DIAPH3: variants seen among roughly 807,000 people sequenced by gnomAD.
DIAPH3 encodes diaphanous related formin 3.
Under a neutral mutation model 144.3 loss-of-function variants are expected in DIAPH3, and 117 were observed. The ratio of observed to expected loss-of-function variants is 0.81; its 90% CI spans 0.70 to 0.95. DIAPH3 has a LOEUF of 0.95. Ranked by LOEUF, DIAPH3 falls within the 40% of genes least tolerant of loss-of-function variation. The probability of loss-of-function intolerance (pLI) is 0.00; values close to 1 mark genes in which losing one functional copy is unlikely to be tolerated. For missense variants in DIAPH3, 1,421 were observed against 1,412.7 expected (o/e 1.01, Z -0.09); for synonymous variants, 519 against 488.9 (o/e 1.06, Z -0.81).
intron 21 of DIAPH3, among the ~76,000 whole-genome samples, chr13:59,870,665 GTT>G (rs35207685): frequency 3.6e-5 from 5 of 139,208 alleles, no homozygotes; most frequent in Admixed American, 1.4e-4. Flanking sequence ...TTTTGTAGGT[GTT>G]TTTTTTTTTT....
At chr13:59,810,543 C>T (rs1411497594) in intron 25 of DIAPH3, among the ~76,000 whole-genome samples, 4 of 152,132 alleles carry the variant, frequency 2.6e-5, no homozygotes, top group Non-Finnish European at 5.9e-5. Context: ...CGTGAATACG[C>T]TGGAACGAAA....
intron 27 of DIAPH3, among the ~76,000 whole-genome samples, chr13:59,738,425 T>A (rs1195683211): frequency 6.6e-6 from 1 of 152,022 alleles, no homozygotes; most frequent in Non-Finnish European, 1.5e-5. Context: ...GCGAGCTCTG[T>A]GGACTGGCCA....
intron 7 of DIAPH3, chr13:60,012,945 A>T (rs1368457073): frequency 1.0e-6 from 1 of 955,294 alleles, no homozygotes; most frequent in African/African-American, 1.8e-5. Flanking sequence ...CTCAGTATCT[A>T]TAAATACAGA....
At chr13:59,772,278 C>T (rs1361519642) in intron 27 of DIAPH3, among the ~76,000 whole-genome samples, 1 of 152,034 alleles carries the variant, frequency 6.6e-6, no homozygotes, top group Admixed American at 6.6e-5. Context: ...AATCTACATA[C>T]ACACAATTCT....
intron 24 of DIAPH3, among the ~76,000 whole-genome samples, chr13:59,819,924 T>C (rs578142875): frequency 2.2e-4 from 34 of 152,024 alleles, no homozygotes; most frequent in African/African-American, 6.3e-4. Flanking sequence ...ATGGACAAAA[T>C]AGTGCCTGCA....
intron 25 of DIAPH3, among the ~76,000 whole-genome samples, chr13:59,776,560 G>GA (rs1397320130): frequency 6.6e-6 from 1 of 151,172 alleles, no homozygotes; most frequent in South Asian, 2.1e-4. Context: ...TCATGAGATT[G>GA]AAAAAAAATC....
intron 3 of DIAPH3, among the ~76,000 whole-genome samples, chr13:60,103,102 A>AT (rs2058318418): frequency 1.3e-5 from 2 of 152,134 alleles, no homozygotes; most frequent in South Asian, 4.2e-4. Context: ...TACTAGACTG[A>AT]TTTTTTAAAA....
At chr13:60,163,542 C>A (rs747652969) in intron 1 of DIAPH3, 45 bp downstream of exon 1, 2 of 1,577,814 alleles carry the variant, frequency 1.3e-6, no homozygotes, top group South Asian at 2.3e-5. Flanking sequence ...GTCAGCCCTA[C>A]GGCGGGGCGG....
intron 4 of DIAPH3, among the ~76,000 whole-genome samples, chr13:60,062,180 C>T (rs1023347341): frequency 6.6e-6 from 1 of 152,120 alleles, no homozygotes; most frequent in Non-Finnish European, 1.5e-5. Flanking sequence ...TCTTTACCTG[C>T]ATCTCAGAAA....
At chr13:59,878,030 T>A (rs2044744339) in intron 21 of DIAPH3, among the ~76,000 whole-genome samples, 1 of 152,148 alleles carries the variant, frequency 6.6e-6, no homozygotes, top group African/African-American at 2.4e-5. Context: ...ATTAAAGCAT[T>A]TCATCATAAT....
chr13:60,017,973 C>G (rs1168779482), intron 5 of DIAPH3, among the ~76,000 whole-genome samples: 2 of 152,176 alleles, frequency 1.3e-5, no homozygotes, highest in African/African-American at 4.8e-5. Context: ...CAGCATCTCA[C>G]TTAACTGTTT....
intron 27 of DIAPH3, among the ~76,000 whole-genome samples, chr13:59,711,971 A>G (rs138867152): frequency 6.2e-4 from 94 of 152,326 alleles, no homozygotes; most frequent in South Asian, 4.4e-3. Context: ...GACATTCTAT[A>G]CTAGACATTA....
chr13:60,036,333 A>C (rs898035703), intron 5 of DIAPH3, among the ~76,000 whole-genome samples: 11 of 152,328 alleles, frequency 7.2e-5, no homozygotes, highest in Non-Finnish European at 1.3e-4. Context: ...AGAATTGCTT[A>C]CAATGACAGA....
chr13:59,757,862 G>A (rs1189810806), intron 27 of DIAPH3, among the ~76,000 whole-genome samples: 2 of 152,072 alleles, frequency 1.3e-5, no homozygotes, highest in Admixed American at 1.3e-4. Context: ...GAAAAATGAT[G>A]GTGAGCTAAT....
At chr13:60,148,566 A>G (rs571350879) in intron 1 of DIAPH3, among the ~76,000 whole-genome samples, 5 of 152,244 alleles carry the variant, frequency 3.3e-5, no homozygotes, top group Non-Finnish European at 7.3e-5. Context: ...AAGCACGTAT[A>G]AAGTAAAAAG....
At chr13:60,149,574 G>C (rs1034577138) in intron 1 of DIAPH3, among the ~76,000 whole-genome samples, 1 of 151,944 alleles carries the variant, frequency 6.6e-6, no homozygotes, top group African/African-American at 2.4e-5. Context: ...AACACGATGA[G>C]ACCCTGTCTC....
chr13:59,981,280 C>A, intron 13 of DIAPH3, among the ~76,000 whole-genome samples: 1 of 150,430 alleles, frequency 6.6e-6, no homozygotes, highest in African/African-American at 2.4e-5. Flanking sequence ...TTTATTATTC[C>A]CTAACAATAT....
intron 11 of DIAPH3, among the ~76,000 whole-genome samples, chr13:59,991,593 G>C (rs576974707): frequency 6.6e-6 from 1 of 151,914 alleles, no homozygotes; most frequent in Non-Finnish European, 1.5e-5. Flanking sequence ...CTGACCAACA[G>C]AGCTGGTGGT....
chr13:60,031,557 G>T (rs976362907), intron 5 of DIAPH3, among the ~76,000 whole-genome samples: 1 of 151,986 alleles, frequency 6.6e-6, no homozygotes, highest in Non-Finnish European at 1.5e-5. Flanking sequence ...CTGAGACAAG[G>T]TGAGTCCCTT....
Sources: allele counts gnomAD v4.1 joint callset (sites outside exome capture counted in the v4.1 genomes callset), GRCh38; gene constraint gnomAD v4.1.1; transcripts MANE v1.5; gene names NCBI Gene and HGNC (gene_info 2026-07-23, HGNC 2026-07-21).